Variants in RNF220 observed in about 807,000 individuals in gnomAD.
The protein encoded by RNF220 is E3 ubiquitin-protein ligase RNF220.
RNF220 carries 7 observed loss-of-function variants against 67.1 expected under a neutral mutation model. That is an observed-to-expected ratio of 0.10 (90% confidence interval 0.06 to 0.20). The LOEUF (loss-of-function observed/expected upper bound fraction) is 0.20. Among genes scored for constraint, RNF220 ranks in the 10% least tolerant of loss-of-function variants. The probability of loss-of-function intolerance (pLI) is 1.00; values close to 1 mark genes in which losing one functional copy is unlikely to be tolerated. For synonymous variants in RNF220, 270 were observed against 283.2 expected (o/e 0.95, Z 0.47); for missense variants, 565 against 740.3 (o/e 0.76, Z 2.75).
chr1:44,488,409 G>A (rs1656535627), intron 2 of RNF220, among the ~76,000 whole-genome samples: 1 of 152,194 alleles, frequency 6.6e-6, no homozygotes, highest in Non-Finnish European at 1.5e-5. Context: ...GATTACAGGC[G>A]TGAGCCACCA....
intron 2 of RNF220, among the ~76,000 whole-genome samples, chr1:44,432,340 G>C (rs779476838): frequency 6.6e-6 from 1 of 151,688 alleles, no homozygotes. Context: ...GCGCGATCTC[G>C]GCTCACTGCA....
chr1:44,500,837 T>C (rs1440482434), intron 2 of RNF220, among the ~76,000 whole-genome samples: 1 of 151,898 alleles, frequency 6.6e-6, no homozygotes, highest in Non-Finnish European at 1.5e-5. Flanking sequence ...TCCAGGAAAA[T>C]AAGGGAGCCA....
chr1:44,433,607 AT>A (rs1650642465), intron 2 of RNF220, among the ~76,000 whole-genome samples: 1 of 152,338 alleles, frequency 6.6e-6, no homozygotes, highest in East Asian at 1.9e-4. Context: ...AGGGTGTAAT[AT>A]TTTTGTTTGG....
rs1368980927 is a variant in RNF220 at position 44,565,495 on chromosome 1, G to C, written c.626-48670G>C. Among the ~76,000 whole-genome samples the C allele has an allele frequency of 6.6e-6, 1 of 152,184 alleles. No individual in the cohort carries two copies. The highest frequency in any genetic ancestry group is 2.4e-5 in the African/African-American group (1 of 41,442). On this transcript the variant is annotated intron_variant, in intron 2 of 14. Coordinates refer to ENST00000361799, the MANE Select transcript of RNF220 (RefSeq NM_018150.4). This position sits in a 1 kb window ranked among gnomAD's most constrained non-coding sequence, Gnocchi z 4.2. ...CCCTAGGAAGTGCAGGCTGGGGACA[G>C]CAGGCAGGAAGCAGTGGGCCCATTC...
chr1:44,543,746 C>T (rs1661877072), intron 2 of RNF220, among the ~76,000 whole-genome samples: 1 of 152,078 alleles, frequency 6.6e-6, no homozygotes, highest in Non-Finnish European at 1.5e-5. Context: ...AGGAGTCAAT[C>T]CCAGAACCCC....
At chr1:44,573,073 A>T (rs1289610741) in intron 2 of RNF220, 1 of 210,778 alleles carries the variant, frequency 4.7e-6, no homozygotes, top group Non-Finnish European at 9.9e-6. Context: ...GGGAGCTTAT[A>T]ATATAATTAT....
At chr1:44,518,440 A>G (rs1659633782) in intron 2 of RNF220, among the ~76,000 whole-genome samples, 1 of 152,074 alleles carries the variant, frequency 6.6e-6, no homozygotes, top group Non-Finnish European at 1.5e-5. Flanking sequence ...AAAAATATGC[A>G]AATAAACCCA....
In RNF220 at chr1:44,626,371, T is replaced by C; in HGVS notation, c.879T>C (p.Asp293=). ...PTASPHSSAT[D]DLHHSDRYQT... ...CATCACCCCACTCATCTGCCACCGA[T>C]GACCTCCACCATTCAGACAGATACC... The change falls in exon 5 of 15, where the codon GAT becomes GAC. Residue 293 remains aspartate (D), a synonymous_variant. Coordinates refer to ENST00000361799, the MANE Select transcript of RNF220 (RefSeq NM_018150.4). The C allele has an allele frequency of 1.2e-6, 2 of 1,612,270 alleles. No homozygotes were observed. The highest frequency in any genetic ancestry group is 8.5e-7 in the Non-Finnish European group (1 of 1,179,290).
In RNF220 at chr1:44,405,374, C is replaced by CCTCCTG. The variant is rs773854878; in HGVS notation, c.-272_-271insCCTGCT. The CCTCCTG allele has an allele frequency of 1.7e-6, 1 of 578,698 alleles. No homozygotes were observed. The allele number at this position is 578,698 out of a possible 1,614,324, so 35.8% of individuals were successfully genotyped here. Reference sequence around the variant, plus strand: ...GCGAACACAAACCCGGGGCCAGCCGCCTACTGCTGCTGCTGCTGCTGCCGC... The same window carrying CCTCCTG: ...GCGAACACAAACCCGGGGCCAGCCGCCTCCTGCTACTGCTGCTGCTGCTGCTGCCGC... On this transcript the variant is annotated 5_prime_UTR_variant, in exon 1 of 15. Transcript: ENST00000361799.
chr1:44,414,343 T>A (rs908852800), intron 2 of RNF220, among the ~76,000 whole-genome samples: 4 of 152,232 alleles, frequency 2.6e-5, no homozygotes, highest in Admixed American at 6.5e-5. Context: ...CGCCCCTTTT[T>A]TTCTCCAAAT....
intron 2 of RNF220, among the ~76,000 whole-genome samples, chr1:44,519,079 T>C (rs1172098012): frequency 1.4e-5 from 2 of 145,934 alleles, no homozygotes; most frequent in Non-Finnish European, 3.0e-5. Flanking sequence ...TTCACTGAGG[T>C]AGATGAGGGA....
At chr1:44,479,021 G>A (rs1655550569) in intron 2 of RNF220, among the ~76,000 whole-genome samples, 1 of 151,930 alleles carries the variant, frequency 6.6e-6, no homozygotes, top group Non-Finnish European at 1.5e-5. Flanking sequence ...AGAAATTTGG[G>A]GCCCCAGAAA....
intron 2 of RNF220, among the ~76,000 whole-genome samples, chr1:44,593,343 T>G (rs575144581): frequency 6.6e-6 from 1 of 151,962 alleles, no homozygotes; most frequent in African/African-American, 2.4e-5. Context: ...ATTTTTAAGC[T>G]TTCGACCAAC....
At chr1:44,484,612 T>G (rs1572644581) in intron 2 of RNF220, among the ~76,000 whole-genome samples, 1 of 151,862 alleles carries the variant, frequency 6.6e-6, no homozygotes, top group African/African-American at 2.4e-5. Context: ...AGGGGCTGAG[T>G]AAGAACTGTT....
rs1644175056 is a variant in RNF220 at position 44,632,396 on chromosome 1, C to T, written c.949+11C>T. 6.2e-7 allele frequency: 1 copy of T among 1,610,512 alleles called. No homozygotes were observed. Among genetic ancestry groups the T allele is most frequent in the Non-Finnish European group, 8.5e-7 (1 of 1,178,894 alleles). ...AGACCCGACTGAATGGTGAGTCCTG[C>T]CCGGCCCCTCCCTCCGCCCCACCCC... On this transcript the variant is annotated intron_variant, in intron 6 of 14. Coordinates refer to ENST00000361799, the MANE Select transcript of RNF220 (RefSeq NM_018150.4).
At chr1:44,646,206 T>C (rs1218936853) in intron 12 of RNF220, among the ~76,000 whole-genome samples, 3 of 152,206 alleles carry the variant, frequency 2.0e-5, no homozygotes, top group Non-Finnish European at 4.4e-5. Flanking sequence ...AAAGGCAGCC[T>C]CTTCATTCCA....
intron 2 of RNF220, among the ~76,000 whole-genome samples, chr1:44,525,535 A>G (rs1660303559): frequency 2.0e-5 from 3 of 152,134 alleles, no homozygotes; most frequent in Admixed American, 2.0e-4. Context: ...TACTGTAGCA[A>G]GTGACTTTTG....
intron 2 of RNF220, among the ~76,000 whole-genome samples, chr1:44,596,906 A>C (rs1195538992): frequency 6.6e-6 from 1 of 152,254 alleles, no homozygotes; most frequent in Non-Finnish European, 1.5e-5. Context: ...ATTAGTTAAA[A>C]CATCAGAGTC....
chr1:44,620,823 G>C (rs1376737141), intron 3 of RNF220, among the ~76,000 whole-genome samples: 2 of 151,906 alleles, frequency 1.3e-5, no homozygotes, highest in Non-Finnish European at 2.9e-5. Context: ...GGTGTGTGTT[G>C]GTACACACAG....
Sources: gnomAD v4.1 joint callset for allele counts (sites outside exome capture counted in the v4.1 genomes callset) on GRCh38, gnomAD v4.1.1 for gene constraint, Gnocchi (gnomAD v3.1) non-coding constraint, MANE v1.5 for transcripts, NCBI Gene and HGNC (gene_info 2026-07-23, HGNC 2026-07-21) for gene names.